Variants in LDHA observed in about 807,000 individuals in gnomAD.
The protein encoded by LDHA is L-lactate dehydrogenase A chain.
A neutral mutation model predicts 36.3 loss-of-function variants in LDHA; 10 were observed. The ratio of observed to expected loss-of-function variants is 0.28; its 90% CI spans 0.17 to 0.47. The LOEUF (loss-of-function observed/expected upper bound fraction) is 0.47, where lower values mean the gene tolerates loss of function less well. LDHA is among the 20% of genes least tolerant of loss of function. LDHA has a pLI of 0.99. For synonymous variants in LDHA, 110 were observed against 136.7 expected, an observed-to-expected ratio of 0.80 and a Z score of 1.36; for missense variants, 267 against 405.8, an observed-to-expected ratio of 0.66 and a Z score of 2.94.
intron 3 of LDHA, chr11:18,399,893 C>T (rs1866421967): frequency 3.9e-6 from 1 of 257,730 alleles, no homozygotes; most frequent in Non-Finnish European, 7.7e-6. Context: ...CTGTGCCCGG[C>T]TTTAGACTTA....
In LDHA at chr11:18,405,575, A is replaced by G; in HGVS notation, c.834+3A>G. 6.2e-7 allele frequency: 1 copy of G among 1,613,692 alleles called. No homozygotes were observed. Among genetic ancestry groups the G allele is most frequent in the Non-Finnish European group, 8.5e-7 (1 of 1,179,736 alleles). ...ACCCAGTTTCCACCATGATTAAGGT[A>G]GGTCTATGTAGTGATACGCTGCATT... On this transcript the variant is annotated splice_donor_region_variant and intron_variant, in intron 7 of 7. Coordinates refer to ENST00000422447, the MANE Select transcript of LDHA (RefSeq NM_005566.4).
chr11:18,400,409 A>C, intron 3 of LDHA: 1 of 275,104 alleles, frequency 3.6e-6, no homozygotes. Flanking sequence ...GCTTAAAAAC[A>C]AGTCCCCCTA....
chr11:18,399,246 A>G (rs1417030228), intron 2 of LDHA, 185 bp from the exon 3 acceptor site: 3 of 579,406 alleles, frequency 5.2e-6, no homozygotes, highest in East Asian at 3.2e-5. Context: ...GGTCAGTGCT[A>G]TCTATGTAGG....
rs1866646305 is a variant in LDHA at position 18,405,298 on chromosome 11, T to C, written c.711-151T>C. ...TTAATGAATATCCCTGTACATAATA[T>C]CCTAGCATACATGTGTGCAAGGGTT... On this transcript the variant is annotated intron_variant, in intron 6 of 7. Coordinates refer to ENST00000422447, the MANE Select transcript of LDHA (RefSeq NM_005566.4). 10 of 770,128 alleles carry C rather than the reference T, an allele frequency of 1.3e-5. No homozygotes were observed. The South Asian group carries it at 1.4e-4, about 11-fold the overall frequency. The allele number at this position is 770,128 out of a possible 1,614,324, so 47.7% of individuals were successfully genotyped here.
Position 18,407,789 on chromosome 11 carries a change from T to G in LDHA, c.*508T>G, listed in dbSNP as rs1481968210. ...TGTAAAAAGATCTACATACAAACAA[T>G]GCAACCAACTATCCAAGTGTTATAC... On this transcript the variant is annotated 3_prime_UTR_variant, in exon 8 of 8. Transcript: ENST00000422447. 4 of 456,072 alleles carry G rather than the reference T, an allele frequency of 8.8e-6. No individual in the cohort carries two copies. Among genetic ancestry groups the G allele is most frequent in the South Asian group, 6.2e-5 (4 of 64,496 alleles). The allele number at this position is 456,072 out of a possible 1,614,324, so 28.3% of individuals were successfully genotyped here. A position where few individuals can be genotyped will look rare whatever the true frequency, so the allele number is the denominator to read the frequency against.
rs971480304 is a variant in LDHA at position 18,395,148 on chromosome 11, G to C, written c.-25+512G>C. 16 of 173,958 alleles carry C rather than the reference G, an allele frequency of 9.2e-5. 1 individual carries two copies. The highest frequency in any genetic ancestry group is 1.1e-4 in the Admixed American group (2 of 18,482). The allele number at this position is 173,958 out of a possible 1,614,324, so 10.8% of individuals were successfully genotyped here. A position where few individuals can be genotyped will look rare whatever the true frequency, so the allele number is the denominator to read the frequency against. ...GGTGGGCTCCGTGAGGGCAGCTGCT[G>C]CCTGCAGATTATAGGGAGCCCTTTG... On this transcript the variant is annotated intron_variant, in intron 1 of 7. Transcript: ENST00000422447.
chr11:18,401,766 C>T (rs928992459), intron 4 of LDHA, among the ~76,000 whole-genome samples: 6 of 151,722 alleles, frequency 4.0e-5, no homozygotes, highest in African/African-American at 1.2e-4. Context: ...CGTGAGCCAC[C>T]GTGCCTGGTG....
chr11:18,402,661 C>T (rs1236909233), intron 4 of LDHA, 179 bp from the exon 5 acceptor site: 7 of 603,730 alleles, frequency 1.2e-5, no homozygotes, highest in Admixed American at 8.2e-5. Context: ...AAAATATTAA[C>T]AAAATTATTG....
chr11:18,401,955 C>CTCTCTCTT (rs59534512), intron 4 of LDHA, among the ~76,000 whole-genome samples: 110 of 52,228 alleles, frequency 2.1e-3, no homozygotes, highest in Non-Finnish European at 2.6e-3. Flanking sequence ...TTGTTATTCT[C>CTCTCTCTT]TTTTTTTTTT....
intron 7 of LDHA, 84 bp from the exon 8 acceptor site, chr11:18,407,033 A>G (rs1866710009): frequency 9.5e-7 from 1 of 1,053,676 alleles, no homozygotes; most frequent in Non-Finnish European, 1.4e-6. Context: ...AAAAAGCTTT[A>G]TAATTATAGA....
At chr11:18,406,129 C>T (rs1308113134) in intron 7 of LDHA, among the ~76,000 whole-genome samples, 1 of 152,128 alleles carries the variant, frequency 6.6e-6, no homozygotes, top group Non-Finnish European at 1.5e-5. Context: ...CCACGCCCGG[C>T]TACTTTTTGT....
rs2134014072 is a variant in LDHA, at chr11:18,394,655, C to T, written c.-25+19C>T. 1 of 453,958 alleles carries T rather than the reference C, an allele frequency of 2.2e-6. No homozygotes were observed. The highest frequency in any genetic ancestry group is 6.9e-5 in the East Asian group (1 of 14,394). The allele number at this position is 453,958 out of a possible 1,614,324, so 28.1% of individuals were successfully genotyped here. ...ATTCCCGGTACGGTAGGGCCCTGCGCGCACGGCGCCAGAGGGATGGGCGGG... is the reference window on the plus strand; with the variant it reads ...ATTCCCGGTACGGTAGGGCCCTGCGTGCACGGCGCCAGAGGGATGGGCGGG... On this transcript the variant is annotated intron_variant, in intron 1 of 7. Transcript: ENST00000422447.
chr11:18,401,216 C>A (rs1275925929), intron 4 of LDHA, among the ~76,000 whole-genome samples: 1 of 150,346 alleles, frequency 6.7e-6, no homozygotes, highest in African/African-American at 2.4e-5. Flanking sequence ...GTGGCGCAAT[C>A]TGGGCTCACT....
intron 4 of LDHA, among the ~76,000 whole-genome samples, chr11:18,401,720 GC>G (rs1391142510): frequency 6.9e-6 from 1 of 144,940 alleles, no homozygotes; most frequent in Non-Finnish European, 1.5e-5. Flanking sequence ...CTCGTGATCT[GC>G]CCGCCTTGGC....
intron 5 of LDHA, among the ~76,000 whole-genome samples, 185 bp from the exon 6 acceptor site, chr11:18,403,509 T>C (rs1866571913): frequency 6.6e-6 from 1 of 152,238 alleles, no homozygotes; most frequent in Non-Finnish European, 1.5e-5. Context: ...TTAAAATTCT[T>C]AGTTTTACAT....
At chr11:18,406,034 C>T (rs11024644) in intron 7 of LDHA, among the ~76,000 whole-genome samples, 21,423 of 152,158 alleles carry the variant, frequency 0.14, 2,002 homozygotes, top group African/African-American at 0.26. Context: ...TGGCCGATCT[C>T]GGCTCACCGC....
At chr11:18,405,134 A>G (rs1169515382) in intron 6 of LDHA, among the ~76,000 whole-genome samples, 2 of 151,878 alleles carry the variant, frequency 1.3e-5, no homozygotes, top group Non-Finnish European at 2.9e-5. Flanking sequence ...GAATTATCCA[A>G]TTTTTTTTAC....
chr11:18,401,880 TA>T (rs1866516699), intron 4 of LDHA, among the ~76,000 whole-genome samples: 1 of 151,338 alleles, frequency 6.6e-6, no homozygotes, highest in Non-Finnish European at 1.5e-5. Flanking sequence ...ACAATGCCTT[TA>T]AATGTAGTTG....
intron 2 of LDHA, 31 bp downstream of exon 2, chr11:18,396,999 A>G: frequency 6.2e-7 from 1 of 1,609,684 alleles, no homozygotes; most frequent in Non-Finnish European, 8.5e-7. Context: ...CTGGAAGCCC[A>G]TACCTTGACC....
Sources: gnomAD v4.1 joint callset for allele counts (sites outside exome capture counted in the v4.1 genomes callset) on GRCh38, gnomAD v4.1.1 for gene constraint, MANE v1.5 for transcripts, NCBI Gene and HGNC (gene_info 2026-07-23, HGNC 2026-07-21) for gene names.